Variants in MMP25 observed in about 807,000 individuals in gnomAD.
MMP25 encodes matrix metalloproteinase-25.
MMP25 carries 68 observed loss-of-function variants against 62.1 expected under a neutral mutation model. That is an observed-to-expected ratio of 1.10 (90% CI 0.90 to 1.34). MMP25 has a LOEUF of 1.34. MMP25 is among the 40% of genes most tolerant of loss of function. The probability of loss-of-function intolerance (pLI) is 0.00; values close to 1 mark genes in which losing one functional copy is unlikely to be tolerated. For missense variants in MMP25, 942 were observed against 792.5 expected, an observed-to-expected ratio of 1.19 and a Z score of -2.26; for synonymous variants, 407 against 345.6, an observed-to-expected ratio of 1.18 and a Z score of -1.97.
chr16:3,048,860 C>A (rs140334556), intron 2 of MMP25, among the ~76,000 whole-genome samples: 1 of 149,186 alleles, frequency 6.7e-6, no homozygotes, highest in Admixed American at 6.7e-5. Flanking sequence ...GGCTGCAGTA[C>A]AGTGGCGCAA....
chr16:3,058,638 C>G lies in MMP25; in HGVS notation c.1386C>G (p.Pro462=), dbSNP rs1956060158. The change falls in exon 9 of 10, where the codon CCC becomes CCG. Residue 462 remains proline, a synonymous_variant. Coordinates refer to ENST00000336577, the MANE Select transcript of MMP25 (RefSeq NM_022468.5). ...RDLSLWEGAP[P]SPDDVTVSNA... is the part of the protein sequence containing the mutation. ...TGAGCCTCTGGGAAGGCGCGCCCCC[C>G]TCCCCTGACGATGTCACCGTCAGCA... 1.2e-6 allele frequency: 2 copies of G among 1,604,898 alleles called. No homozygotes were observed. Among genetic ancestry groups the G allele is most frequent in the South Asian group, 1.1e-5 (1 of 90,278 alleles).
Position 3,047,762 on chromosome 16 carries a change from A to C in MMP25, c.232+215A>C, listed in dbSNP as rs1596490442. 2.6e-5 allele frequency among the ~76,000 whole-genome samples: 4 copies of C among 152,016 alleles called. No homozygotes were observed. In the East Asian group the frequency reaches 7.7e-4, roughly 29 times the overall value. ...GTAATCCCAGGGTTTTGGGAGGCGG[A>C]GACTCAAGGATTGCTTCAGGCCAGG... is the stretch of plus-strand genomic sequence containing the variant. On this transcript the variant is annotated intron_variant, in intron 2 of 9. Transcript: ENST00000336577.
intron 1 of MMP25, 110 bp from the exon 2 acceptor site, chr16:3,047,305 G>A (rs1415694288): frequency 4.1e-6 from 6 of 1,476,384 alleles, no homozygotes; most frequent in Admixed American, 4.4e-5. Context: ...CGGGGCTGGG[G>A]CCCTGGGCTC....
In MMP25 at chr16:3,050,299, G is replaced by C. The variant is rs369759581; in HGVS notation, c.414G>C (p.Val138=). The C allele has an allele frequency of 1.2e-6, 2 of 1,612,398 alleles. No individual in the cohort carries two copies. Among genetic ancestry groups the C allele is most frequent in the African/African-American group, 2.7e-5 (2 of 74,904 alleles). The change falls in exon 4 of 10, where the codon GTG becomes GTC. Residue 138 remains valine, a synonymous_variant. Transcript: ENST00000336577. ...PQSSQLSQET[V]RVLMSYALMA... is the part of the protein sequence containing the mutation. ...GCTCCCAGCTGAGCCAGGAGACCGT[G>C]CGGGTCCTCATGAGCTATGCCCTGA...
At position 3,057,082 on chromosome 16, in the gene MMP25, C is replaced by T. The variant is rs146192671; in HGVS notation, c.711C>T (p.His237=). ...CCGTGGCTGTCCATGAGTTTGGCCA[C>T]GCCCTGGGCCTGGGCCACTCCTCAG... ...LFAVAVHEFG[H]ALGLGHSSAP... is the part of the protein sequence containing the mutation. Residue 237 remains histidine, a synonymous_variant, in exon 5 of 10, where the codon CAC becomes CAT. Transcript: ENST00000336577. The T allele has an allele frequency of 9.3e-6, 15 of 1,608,470 alleles. No individual in the cohort carries two copies. Among genetic ancestry groups the T allele is most frequent in the South Asian group, 7.7e-5 (7 of 90,622 alleles).
chr16:3,055,449 T>C (rs1037195047), intron 4 of MMP25, among the ~76,000 whole-genome samples: 2 of 152,054 alleles, frequency 1.3e-5, no homozygotes, highest in Admixed American at 1.3e-4. Flanking sequence ...AATTCGTCAG[T>C]GCGGATGTGA....
intron 7 of MMP25, 57 bp downstream of exon 7, chr16:3,057,670 C>T (rs1956037471): frequency 6.6e-7 from 1 of 1,505,362 alleles, no homozygotes; most frequent in Non-Finnish European, 9.3e-7. Context: ...TCCAGTGACC[C>T]ACTGGGGCTG....
chr16:3,050,149 G>A lies in MMP25; in HGVS notation c.368+5G>A. On this transcript the variant is annotated splice_donor_5th_base_variant and intron_variant, in intron 3 of 9. Transcript: ENST00000336577. ...GAAGCGAACCCTGACATGGAGGTAG[G>A]TCCTGGGGCCCACCCGCACCCTGGC... 5.6e-6 allele frequency: 9 copies of A among 1,601,424 alleles called. No homozygotes were observed. Among genetic ancestry groups the A allele is most frequent in the Non-Finnish European group, 6.8e-6 (8 of 1,170,802 alleles).
In MMP25 at chr16:3,058,466, T is replaced by C; in HGVS notation, c.1214T>C (p.Leu405Pro). 1.3e-6 allele frequency: 2 copies of C among 1,597,722 alleles called. No homozygotes were observed. The highest frequency in any genetic ancestry group is 1.7e-6 in the Non-Finnish European group (2 of 1,173,900). The part of the protein sequence containing the change: ...DRQLEGGARP[L>P]TELGLPPGEE... ...CAGCTGGAGGGCGGGGCGCGGCCGC[T>C]CACGGAGCTGGGGCTGCCCCCGGGA... is the stretch of plus-strand genomic sequence containing the variant. The change falls in exon 9 of 10, where the codon CTC becomes CCC. Residue 405 changes from leucine to proline, a missense_variant. Transcript: ENST00000336577.
intron 4 of MMP25, 95 bp from the exon 5 acceptor site, chr16:3,056,938 T>C: frequency 2.2e-6 from 3 of 1,363,454 alleles, no homozygotes; most frequent in Non-Finnish European, 3.0e-6. Flanking sequence ...GGTGTCCTGC[T>C]GTTCCTGTTG....
intron 1 of MMP25, among the ~76,000 whole-genome samples, 179 bp from the exon 2 acceptor site, chr16:3,047,236 A>G (rs1955833827): frequency 1.3e-5 from 2 of 152,192 alleles, no homozygotes; most frequent in Non-Finnish European, 2.9e-5. Context: ...TGAAGTCCAG[A>G]CAAGACTGGC....
Position 3,058,985 on chromosome 16 carries a change from G to A in MMP25, c.1576G>A (p.Val526Met), listed in dbSNP as rs995856113. Reference sequence around the variant, plus strand: ...CCCCAGGCCCCCCAAAGCGACCCCCGTGTCCGAAACCTGCGATTGTCAGTG... The same window carrying A: ...CCCCAGGCCCCCCAAAGCGACCCCCATGTCCGAAACCTGCGATTGTCAGTG... ...RAPRPPKATP[V>M]SETCDCQCEL... Residue 526 changes from valine to methionine, a missense_variant, in exon 10 of 10, where the codon GTG becomes ATG. Physicochemically the swap from Val to Met is conservative, Grantham distance 21 (BLOSUM62 1). Coordinates refer to ENST00000336577, the MANE Select transcript of MMP25 (RefSeq NM_022468.5). 5 of 1,457,100 alleles carry A rather than the reference G, an allele frequency of 3.4e-6. No individual in the cohort carries two copies. Among genetic ancestry groups the A allele is most frequent in the Non-Finnish European group, 3.7e-6 (4 of 1,077,506 alleles). The allele number at this position is 1,457,100 out of a possible 1,614,324, so 90.3% of individuals were successfully genotyped here. A position where few individuals can be genotyped will look rare whatever the true frequency, so the allele number is the denominator to read the frequency against.
At chr16:3,047,079 C>G (rs967458209) in intron 1 of MMP25, 63 bp downstream of exon 1, 3 of 1,373,032 alleles carry the variant, frequency 2.2e-6, no homozygotes, top group African/African-American at 1.5e-5. Context: ...AAGCCGGGCC[C>G]GGACTCCTGG....
Position 3,057,574 on chromosome 16 carries a change from G to T in MMP25, c.967G>T (p.Ala323Ser), listed in dbSNP as rs146563349. Residue 323 changes from alanine (A) to serine (S), a missense_variant, in exon 7 of 10, where the codon GCC becomes TCC. Transcript: ENST00000336577. Reference sequence around the variant, plus strand: ...TGATCGATGTGAGGGCAATTTTGACGCCATCGCCAACATCCGAGGGGAAAC... The same window carrying T: ...TGATCGATGTGAGGGCAATTTTGACTCCATCGCCAACATCCGAGGGGAAAC... The part of the protein sequence containing the change: ...IPDRCEGNFD[A>S]IANIRGETFF... 2 of 1,614,070 alleles carry T rather than the reference G, an allele frequency of 1.2e-6. No homozygotes were observed. Among genetic ancestry groups the T allele is most frequent in the Non-Finnish European group, 1.7e-6 (2 of 1,180,016 alleles).
In MMP25 at chr16:3,059,076, T is replaced by TG. The variant is rs1596224205; in HGVS notation, c.1673dup (p.Val559CysfsTer76). The TG allele has an allele frequency of 1.2e-5, 19 of 1,547,870 alleles. No homozygotes were observed. The highest frequency in any genetic ancestry group is 2.4e-5 in the East Asian group (1 of 40,844). On this transcript the variant is annotated frameshift_variant, in exon 10 of 10. Coordinates refer to ENST00000336577, the MANE Select transcript of MMP25 (RefSeq NM_022468.5). LOFTEE classifies it high-confidence loss of function. ...CCGCTGCTCCTCTTGCCCCTGCTGG[T>TG]GGGGGGTGTAGCCTCCCGCTGATGG...
intron 4 of MMP25, chr16:3,055,908 G>A (rs1955998938): frequency 2.2e-6 from 1 of 455,556 alleles, no homozygotes; most frequent in Middle Eastern, 4.4e-4. Flanking sequence ...GGGCTGGCGT[G>A]TGAATCCTCT....
intron 7 of MMP25, 59 bp downstream of exon 7, chr16:3,057,672 C>T: frequency 2.7e-6 from 4 of 1,495,976 alleles, no homozygotes; most frequent in South Asian, 2.3e-5. Context: ...CAGTGACCCA[C>T]TGGGGCTGTG....
intron 2 of MMP25, among the ~76,000 whole-genome samples, chr16:3,049,519 G>C (rs1955868666): frequency 6.6e-6 from 1 of 152,230 alleles, no homozygotes; most frequent in Non-Finnish European, 1.5e-5. Flanking sequence ...GGACCCCAGA[G>C]AGACCTAACC....
At chr16:3,055,795 G>A (rs1472579442) in intron 4 of MMP25, 4 of 454,510 alleles carry the variant, frequency 8.8e-6, no homozygotes, top group Non-Finnish European at 4.4e-6. Context: ...TCCCTGTGGT[G>A]CTGCGGGGCT....
Sources: allele counts gnomAD v4.1 joint callset (sites outside exome capture counted in the v4.1 genomes callset), GRCh38; gene constraint gnomAD v4.1.1; transcripts MANE v1.5; gene names NCBI Gene and HGNC (gene_info 2026-07-23, HGNC 2026-07-21).